Variants in RARB observed in about 807,000 individuals in gnomAD.
The protein encoded by RARB is HBV-activated protein.
A neutral mutation model predicts 51.9 loss-of-function variants in RARB; 17 were observed. That is an observed-to-expected ratio of 0.33 (90% CI 0.22 to 0.49). The LOEUF is 0.49. Among genes scored for constraint, RARB ranks in the 20% least tolerant of loss-of-function variants. The pLI is 0.99. For missense variants in RARB, 369 were observed against 550.8 expected (o/e 0.67, Z 3.30); for synonymous variants, 215 against 195.4 (o/e 1.10, Z -0.84).
chr3:25,239,240 A>G (rs1052920759), intron 5 of RARB, among the ~76,000 whole-genome samples: 1 of 152,128 alleles, frequency 6.6e-6, no homozygotes, highest in African/African-American at 2.4e-5. Context: ...TATTTTTCCT[A>G]TTCAACAGGT....
chr3:24,894,823 C>T (rs1383277488), intron 2 of RARB, among the ~76,000 whole-genome samples: 1 of 152,120 alleles, frequency 6.6e-6, no homozygotes. Context: ...GTAGTACTTG[C>T]CCTCATGGAG....
intron 5 of RARB, among the ~76,000 whole-genome samples, chr3:25,275,036 T>A (rs559631370): frequency 6.6e-6 from 1 of 152,170 alleles, no homozygotes; most frequent in Non-Finnish European, 1.5e-5. Flanking sequence ...ATACTGTTTT[T>A]TAAAAAAGAT....
intron 5 of RARB, among the ~76,000 whole-genome samples, chr3:25,193,341 G>A (rs1292605766): frequency 4.6e-5 from 7 of 151,938 alleles, no homozygotes; most frequent in Non-Finnish European, 7.4e-5. Flanking sequence ...TTGTTCCAAT[G>A]CAGAGGAAGT....
At chr3:24,990,104 T>G (rs1171458523) in intron 2 of RARB, among the ~76,000 whole-genome samples, 1 of 74,734 alleles carries the variant, frequency 1.3e-5, no homozygotes, top group Non-Finnish European at 2.5e-5. Context: ...CTGCCTTTCT[T>G]TTTAATATAA....
chr3:25,075,347 G>A (rs1488110884), intron 3 of RARB, among the ~76,000 whole-genome samples: 1 of 152,120 alleles, frequency 6.6e-6, no homozygotes, highest in African/African-American at 2.4e-5. Flanking sequence ...CAACAAACCA[G>A]TTTCAGTGGC....
rs900531752 is a variant in RARB at position 25,174,251 on chromosome 3, A to C, written c.-147A>C. 6.0e-6 allele frequency: 3 copies of C among 503,628 alleles called. No homozygotes were observed. In the African/African-American group the frequency reaches 6.0e-5, roughly 10 times the overall value. The allele number at this position is 503,628 out of a possible 1,614,324, so 31.2% of individuals were successfully genotyped here. ...AGAGAAACCATGCTGGGAAGAAGCA[A>C]GGTCATCAGTTGAACCATCTTGACT... On this transcript the variant is annotated 5_prime_UTR_variant, in exon 5 of 12. Transcript: ENST00000383772.
At chr3:25,248,167 T>A (rs1702614468) in intron 5 of RARB, among the ~76,000 whole-genome samples, 1 of 152,228 alleles carries the variant, frequency 6.6e-6, no homozygotes, top group South Asian at 2.1e-4. Flanking sequence ...GATTTTAATG[T>A]CTGTTTTATG....
At chr3:24,964,549 G>A (rs1326398248) in intron 2 of RARB, among the ~76,000 whole-genome samples, 2 of 152,136 alleles carry the variant, frequency 1.3e-5, no homozygotes, top group East Asian at 1.9e-4. Flanking sequence ...GCACACCCAC[G>A]ATTGAGAATG....
At chr3:25,153,689 C>T (rs770388217) in intron 4 of RARB, among the ~76,000 whole-genome samples, 2 of 152,174 alleles carry the variant, frequency 1.3e-5, no homozygotes, top group Non-Finnish European at 1.5e-5. Context: ...TATACATTAA[C>T]AATGCATATT....
intron 2 of RARB, among the ~76,000 whole-genome samples, chr3:25,029,341 A>C (rs1160035221): frequency 6.6e-6 from 1 of 152,222 alleles, no homozygotes; most frequent in Non-Finnish European, 1.5e-5. Flanking sequence ...AATGACTGGT[A>C]AGTTTCCTCT....
chr3:25,040,494 A>G (rs184420133), intron 2 of RARB, among the ~76,000 whole-genome samples: 14 of 152,286 alleles, frequency 9.2e-5, no homozygotes, highest in African/African-American at 3.1e-4. Flanking sequence ...GCACTTTGGG[A>G]GGCCTAGGTC....
In RARB at chr3:25,510,662, G is replaced by A. The variant is rs74962327; in HGVS notation, c.448+9339G>A. Among the ~76,000 whole-genome samples, 1,123 of 152,252 alleles carry A rather than the reference G, an allele frequency of 7.4e-3. 8 individuals carry two copies. Among genetic ancestry groups the A allele is most frequent in the African/African-American group, 0.025 (1,019 of 41,556 alleles). On this transcript the variant is annotated intron_variant, in intron 3 of 7. Coordinates refer to ENST00000330688, the MANE Select transcript of RARB (RefSeq NM_000965.5). ...CTATAATTATGTGGTTTGATTTAAC[G>A]TGTATACTAGTTTAATGCAGTATTT... is the stretch of plus-strand genomic sequence containing the variant.
At chr3:25,377,359 G>A (rs1446854147) in intron 5 of RARB, among the ~76,000 whole-genome samples, 2 of 152,184 alleles carry the variant, frequency 1.3e-5, no homozygotes, top group African/African-American at 4.8e-5. Context: ...GCAGACAGAG[G>A]AAGAAACGTG....
At chr3:25,169,989 TAAAAAA>T (rs58403240) in intron 4 of RARB, among the ~76,000 whole-genome samples, 3 of 137,462 alleles carry the variant, frequency 2.2e-5, no homozygotes, top group Non-Finnish European at 3.1e-5. Flanking sequence ...CCTTATTTCT[TAAAAAA>T]AAAAAAAAAA....
intron 5 of RARB, among the ~76,000 whole-genome samples, chr3:25,344,870 T>C (rs1705340687): frequency 6.6e-6 from 1 of 152,196 alleles, no homozygotes; most frequent in African/African-American, 2.4e-5. Context: ...ATGTGGGAGC[T>C]AGAGAGAGTG....
chr3:25,270,600 A>C (rs1703235040), intron 5 of RARB, among the ~76,000 whole-genome samples: 1 of 152,190 alleles, frequency 6.6e-6, no homozygotes, highest in African/African-American at 2.4e-5. Context: ...TTTATATGCA[A>C]AACTTAATGG....
intron 5 of RARB, among the ~76,000 whole-genome samples, chr3:25,326,101 C>T (rs997432076): frequency 6.6e-6 from 1 of 152,166 alleles, no homozygotes; most frequent in Non-Finnish European, 1.5e-5. Context: ...TGCTTATCTC[C>T]CCCTTGGAAA....
At chr3:25,379,531 C>A (rs780509342) in intron 5 of RARB, among the ~76,000 whole-genome samples, 1 of 152,138 alleles carries the variant, frequency 6.6e-6, no homozygotes, top group Non-Finnish European at 1.5e-5. Flanking sequence ...ATGGTTATAA[C>A]GTGCTATGCA....
chr3:25,112,026 T>G (rs1217554512), intron 3 of RARB, among the ~76,000 whole-genome samples: 1 of 152,172 alleles, frequency 6.6e-6, no homozygotes, highest in Non-Finnish European at 1.5e-5. Context: ...CAAGAGGCAG[T>G]ATTTTCTTTT....
Sources: gnomAD v4.1 joint callset for allele counts (sites outside exome capture counted in the v4.1 genomes callset) on GRCh38, gnomAD v4.1.1 for gene constraint, MANE v1.5 for transcripts, NCBI Gene and HGNC (gene_info 2026-07-23, HGNC 2026-07-21) for gene names.